Variants in GPC5 observed in about 807,000 individuals in gnomAD.
The protein encoded by GPC5 is glypican 5, also known as glypican-5.
In GPC5, 47 loss-of-function variants were observed where a neutral mutation model predicts 53.9. The observed-to-expected ratio is 0.87, with a 90% CI of 0.69 to 1.11. The LOEUF (loss-of-function observed/expected upper bound fraction) is 1.11. GPC5 is among the 50% of genes most tolerant of loss of function. The pLI is 0.00. For synonymous variants in GPC5, 286 were observed against 263.3 expected (o/e 1.09, Z -0.84); for missense variants, 748 against 713.1 (o/e 1.05, Z -0.56).
intron 7 of GPC5, among the ~76,000 whole-genome samples, chr13:92,326,018 A>C (rs2043248226): frequency 6.6e-6 from 1 of 152,114 alleles, no homozygotes; most frequent in Non-Finnish European, 1.5e-5. Flanking sequence ...ACTTTAATAA[A>C]AATAAGACTT....
intron 7 of GPC5, among the ~76,000 whole-genome samples, chr13:92,696,266 T>C (rs181934989): frequency 1.1e-4 from 17 of 152,268 alleles, no homozygotes; most frequent in African/African-American, 1.4e-4. Flanking sequence ...CCTTGAGGAA[T>C]CATCCCACTG....
At chr13:91,566,868 A>G (rs1368572003) in intron 2 of GPC5, among the ~76,000 whole-genome samples, 1 of 152,084 alleles carries the variant, frequency 6.6e-6, no homozygotes. Context: ...TGTTGAGTAA[A>G]TATTCATCAA....
chr13:92,613,486 AT>A lies in GPC5; in HGVS notation c.1562-252795del, dbSNP rs556254597. 1.3e-3 allele frequency among the ~76,000 whole-genome samples: 117 copies of A among 91,608 alleles called. 1 individual carries two copies. The highest frequency in any genetic ancestry group is 3.6e-3 in the East Asian group (9 of 2,476). 60.1% of individuals were successfully genotyped at this position (91,608 alleles called of 152,430 possible). On this transcript the variant is annotated intron_variant, in intron 7 of 7. Transcript: ENST00000377067. ...TATGTATTATATAATTTATATATAA[AT>A]ATGTAATATATAATTTATATATAAA...
intron 1 of GPC5, among the ~76,000 whole-genome samples, chr13:91,417,098 G>T (rs7333580): frequency 0.62 from 94,299 of 151,848 alleles, 29,913 homozygotes; most frequent in African/African-American, 0.75. Context: ...AGGCAGAATT[G>T]TTAGAACCTC....
intron 7 of GPC5, among the ~76,000 whole-genome samples, chr13:92,506,432 AT>A (rs950160840): frequency 3.3e-5 from 5 of 152,256 alleles, no homozygotes; most frequent in Non-Finnish European, 1.5e-5. Flanking sequence ...TACAGAAAAT[AT>A]TTTTTAAATA....
intron 7 of GPC5, among the ~76,000 whole-genome samples, chr13:92,163,880 A>C (rs939480383): frequency 2.0e-5 from 3 of 152,238 alleles, no homozygotes; most frequent in African/African-American, 4.8e-5. Context: ...TCACAGTTCC[A>C]CATGGCTAGA....
intron 7 of GPC5, among the ~76,000 whole-genome samples, chr13:92,203,395 C>A (rs2042308805): frequency 7.1e-6 from 1 of 140,280 alleles, no homozygotes; most frequent in Non-Finnish European, 1.5e-5. Flanking sequence ...GAACAAAAAA[C>A]CAAACACCAC....
At chr13:92,325,449 A>G (rs2043244447) in intron 7 of GPC5, among the ~76,000 whole-genome samples, 1 of 151,426 alleles carries the variant, frequency 6.6e-6, no homozygotes, top group Non-Finnish European at 1.5e-5. Context: ...TATTCCTGTC[A>G]TTATATCCTA....
chr13:92,190,013 C>G (rs2042212370), intron 7 of GPC5, among the ~76,000 whole-genome samples: 1 of 152,122 alleles, frequency 6.6e-6, no homozygotes, highest in Non-Finnish European at 1.5e-5. Flanking sequence ...TCAGAGAACA[C>G]CAGCCAGAAC....
chr13:92,657,614 A>G lies in GPC5; in HGVS notation c.1562-208668A>G, dbSNP rs532367624. ...TTTTTTTTTTTTTTTTGAAATTCCA[A>G]AGTTGAAGTATGGACAGGTGTATCC... On this transcript the variant is annotated intron_variant, in intron 7 of 7. Transcript: ENST00000377067. Among the ~76,000 whole-genome samples the G allele has an allele frequency of 1.0e-3, 144 of 144,674 alleles. 1 individual carries two copies. Among genetic ancestry groups the G allele is most frequent in the African/African-American group, 3.4e-3 (133 of 38,732 alleles). The allele number at this position is 144,674 out of a possible 152,430, so 94.9% of individuals were successfully genotyped here.
intron 5 of GPC5, among the ~76,000 whole-genome samples, chr13:91,831,485 G>T (rs1417706317): frequency 6.6e-6 from 1 of 151,894 alleles, no homozygotes; most frequent in African/African-American, 2.4e-5. Context: ...TTGACACTCA[G>T]TATTAACCAT....
chr13:92,204,596 A>T (rs2042319476), intron 7 of GPC5, among the ~76,000 whole-genome samples: 1 of 152,180 alleles, frequency 6.6e-6, no homozygotes, highest in Non-Finnish European at 1.5e-5. Context: ...TCCCACAACA[A>T]TTCTGCGTTG....
At chr13:92,710,901 C>T (rs1888115235) in intron 7 of GPC5, among the ~76,000 whole-genome samples, 1 of 152,092 alleles carries the variant, frequency 6.6e-6, no homozygotes, top group Admixed American at 6.5e-5. Context: ...AAATATAAGA[C>T]TGAATAATGA....
Position 92,573,267 on chromosome 13 carries a change from T to G in GPC5, c.1562-293015T>G, listed in dbSNP as rs1220618237. Among the ~76,000 whole-genome samples, 7 of 152,316 alleles carry G rather than the reference T, an allele frequency of 4.6e-5. No individual in the cohort carries two copies. The East Asian group carries it at 1.2e-3, about 25-fold the overall frequency. On this transcript the variant is annotated intron_variant, in intron 7 of 7. Transcript: ENST00000377067. ...GGTGTGCCTAATAAAGGTATTTAACTCAAAAGCATATAGTGAGCATTTAAT... is the reference window on the plus strand; with the variant it reads ...GGTGTGCCTAATAAAGGTATTTAACGCAAAAGCATATAGTGAGCATTTAAT...
intron 2 of GPC5, among the ~76,000 whole-genome samples, chr13:91,500,034 C>A (rs1343989971): frequency 6.6e-6 from 1 of 152,116 alleles, no homozygotes; most frequent in Non-Finnish European, 1.5e-5. Context: ...TTAGGTATCC[C>A]CTTGGACCAT....
chr13:92,138,848 A>T (rs2041806693), intron 6 of GPC5, among the ~76,000 whole-genome samples: 2 of 152,180 alleles, frequency 1.3e-5, no homozygotes, highest in Non-Finnish European at 1.5e-5. Flanking sequence ...CCCTTGAGAA[A>T]GAATAGGGGA....
intron 7 of GPC5, among the ~76,000 whole-genome samples, chr13:92,538,463 C>CT (rs1239509868): frequency 0.021 from 2,949 of 139,974 alleles, 101 homozygotes; most frequent in African/African-American, 0.072. Flanking sequence ...TTCTTTCTTT[C>CT]TTTTTTTTTT....
intron 7 of GPC5, among the ~76,000 whole-genome samples, chr13:92,864,415 A>C (rs1017253885): frequency 6.6e-6 from 1 of 152,074 alleles, no homozygotes; most frequent in Non-Finnish European, 1.5e-5. Flanking sequence ...ACTAAACCTA[A>C]ATCAGTGTCT....
chr13:91,789,011 C>T (rs1303985429), intron 5 of GPC5, among the ~76,000 whole-genome samples: 3 of 152,036 alleles, frequency 2.0e-5, no homozygotes, highest in East Asian at 1.9e-4. Flanking sequence ...GTCAGGAGTT[C>T]GTGACCAGCC....
Sources: gnomAD v4.1 joint callset for allele counts (sites outside exome capture counted in the v4.1 genomes callset) on GRCh38, gnomAD v4.1.1 for gene constraint, MANE v1.5 for transcripts, NCBI Gene and HGNC (gene_info 2026-07-23, HGNC 2026-07-21) for gene names.